Variants in SGMS2 observed in about 807,000 individuals in gnomAD.
The protein encoded by SGMS2 is phosphatidylcholine:ceramide cholinephosphotransferase 2.
A neutral mutation model predicts 43.8 loss-of-function variants in SGMS2; 21 were observed. The observed-to-expected ratio is 0.48, with a 90% confidence interval of 0.34 to 0.69. The LOEUF (loss-of-function observed/expected upper bound fraction) is 0.69, where lower values mean the gene tolerates loss of function less well. Ranked by LOEUF, SGMS2 falls within the 30% of genes least tolerant of loss-of-function variation. SGMS2 has a pLI of 0.01. For synonymous variants in SGMS2, 167 were observed against 160.6 expected, an observed-to-expected ratio of 1.04 and a Z score of -0.30; for missense variants, 384 against 443.2, an observed-to-expected ratio of 0.87 and a Z score of 1.20.
chr4:107,833,712 G>A (rs371877841), intron 1 of SGMS2, among the ~76,000 whole-genome samples: 7 of 152,162 alleles, frequency 4.6e-5, no homozygotes, highest in African/African-American at 9.7e-5. Context: ...CATCCTGCAC[G>A]GAAGGGGGAA....
chr4:107,905,062 T>C (rs1014954036), intron 5 of SGMS2, among the ~76,000 whole-genome samples: 10 of 152,310 alleles, frequency 6.6e-5, no homozygotes, highest in African/African-American at 2.4e-4. Context: ...TTCAGTTTTC[T>C]AAAATAACTG....
intron 5 of SGMS2, chr4:107,908,128 A>G (rs1251003069): frequency 6.3e-6 from 1 of 157,770 alleles, no homozygotes; most frequent in African/African-American, 2.4e-5. Context: ...AAAACCTGAA[A>G]TTACTCCTGC....
intron 5 of SGMS2, 35 bp from the exon 6 acceptor site, chr4:107,908,529 GA>G: frequency 1.3e-6 from 2 of 1,589,610 alleles, no homozygotes; most frequent in Non-Finnish European, 1.7e-6. Context: ...TCATCTCTGG[GA>G]ATCTTATTAA....
intron 1 of SGMS2, among the ~76,000 whole-genome samples, chr4:107,852,112 A>T (rs1727182419): frequency 6.6e-6 from 1 of 151,008 alleles, no homozygotes; most frequent in African/African-American, 2.4e-5. Context: ...TTTTTCACCC[A>T]GGCTGGATTG....
intron 2 of SGMS2, among the ~76,000 whole-genome samples, chr4:107,880,653 C>T (rs1011234897): frequency 4.0e-5 from 6 of 151,898 alleles, no homozygotes; most frequent in East Asian, 1.9e-4. Flanking sequence ...GCCAGAGGTT[C>T]GAGATCAACC....
chr4:107,910,832 T>C lies in SGMS2; in HGVS notation c.*279T>C, dbSNP rs1407591164. The C allele has an allele frequency of 9.6e-6, 3 of 311,094 alleles. No homozygotes were observed. The highest frequency in any genetic ancestry group is 1.8e-5 in the Non-Finnish European group (3 of 169,036). 19.3% of individuals were successfully genotyped at this position (311,094 alleles called of 1,614,324 possible). A position where few individuals can be genotyped will look rare whatever the true frequency, so the allele number is the denominator to read the frequency against. ...TGTTAAAGAGGTGCCAAAGAACATA[T>C]TCCTCCTTTCTTTATTCTTTCTCCA... On this transcript the variant is annotated 3_prime_UTR_variant, in exon 7 of 7. Coordinates refer to ENST00000690982, the MANE Select transcript of SGMS2 (RefSeq NM_001375905.1).
At chr4:107,825,620 CTTTTT>C (rs201101875) in intron 1 of SGMS2, among the ~76,000 whole-genome samples, 89 of 116,274 alleles carry the variant, frequency 7.7e-4, no homozygotes, top group South Asian at 5.9e-3. Flanking sequence ...TTTTCTTTCT[CTTTTT>C]TTTTTTTTTT....
chr4:107,832,665 T>C (rs1039160356), intron 1 of SGMS2, among the ~76,000 whole-genome samples: 3 of 152,348 alleles, frequency 2.0e-5, no homozygotes, highest in Non-Finnish European at 1.5e-5. Context: ...TGTTCAAACA[T>C]ATGATCAACT....
chr4:107,881,311 T>C (rs1172279853), intron 2 of SGMS2, among the ~76,000 whole-genome samples: 1 of 152,132 alleles, frequency 6.6e-6, no homozygotes, highest in East Asian at 1.9e-4. Context: ...TCAGTGATGC[T>C]ATTGTTGATC....
chr4:107,883,318 CT>C (rs543238009), intron 2 of SGMS2, among the ~76,000 whole-genome samples: 1 of 151,898 alleles, frequency 6.6e-6, no homozygotes, highest in Non-Finnish European at 1.5e-5. Flanking sequence ...TTTGATACTT[CT>C]TTTTTTTATT....
intron 1 of SGMS2, among the ~76,000 whole-genome samples, chr4:107,848,308 C>T (rs751035491): frequency 6.6e-6 from 1 of 152,120 alleles, no homozygotes; most frequent in African/African-American, 2.4e-5. Context: ...AGTTTGTTTA[C>T]TCATTCACCT....
intron 1 of SGMS2, among the ~76,000 whole-genome samples, chr4:107,853,491 G>A (rs1326241985): frequency 1.3e-5 from 2 of 151,970 alleles, no homozygotes; most frequent in Admixed American, 6.6e-5. Flanking sequence ...CCATATCCAT[G>A]GACTCTGCTT....
intron 2 of SGMS2, 106 bp downstream of exon 2, chr4:107,858,659 T>G (rs114703098): frequency 2.1e-3 from 312 of 149,526 alleles, no homozygotes; most frequent in Middle Eastern, 3.4e-3. Context: ...CTATCAGTTG[T>G]CCTGCAGCTT....
intron 4 of SGMS2, among the ~76,000 whole-genome samples, chr4:107,900,546 TTGAC>T (rs1731036072): frequency 6.6e-6 from 1 of 152,136 alleles, no homozygotes; most frequent in Non-Finnish European, 1.5e-5. Flanking sequence ...AGAGTGGCCT[TTGAC>T]TGAGATAGTG....
chr4:107,826,593 T>G (rs957037299), intron 1 of SGMS2, among the ~76,000 whole-genome samples: 1 of 152,134 alleles, frequency 6.6e-6, no homozygotes, highest in African/African-American at 2.4e-5. Context: ...CAAAATTTCC[T>G]CTTTATGGCC....
intron 5 of SGMS2, among the ~76,000 whole-genome samples, chr4:107,905,886 G>T (rs1731517473): frequency 6.6e-6 from 1 of 152,128 alleles, no homozygotes; most frequent in African/African-American, 2.4e-5. Flanking sequence ...TTTTTCCCAA[G>T]ACATGATTTT....
chr4:107,854,078 C>A (rs988083223), intron 1 of SGMS2, among the ~76,000 whole-genome samples: 20 of 152,266 alleles, frequency 1.3e-4, no homozygotes, highest in African/African-American at 4.3e-4. Context: ...AAGATTATTA[C>A]CATTTTATCT....
intron 4 of SGMS2, among the ~76,000 whole-genome samples, chr4:107,901,032 A>G (rs1731070885): frequency 6.6e-6 from 1 of 152,228 alleles, no homozygotes; most frequent in South Asian, 2.1e-4. Context: ...CCATCTTAGT[A>G]ACGGATGAGG....
At chr4:107,906,933 G>A (rs1731624627) in intron 5 of SGMS2, among the ~76,000 whole-genome samples, 1 of 152,166 alleles carries the variant, frequency 6.6e-6, no homozygotes, top group African/African-American at 2.4e-5. Context: ...GTTGCTAAGA[G>A]ACCTTGGGGG....
Sources: gnomAD v4.1 joint callset for allele counts (sites outside exome capture counted in the v4.1 genomes callset) on GRCh38, gnomAD v4.1.1 for gene constraint, MANE v1.5 for transcripts, NCBI Gene and HGNC (gene_info 2026-07-23, HGNC 2026-07-21) for gene names.